RGS16: variants seen among roughly 807,000 people sequenced by gnomAD.
RGS16 encodes the protein regulator of G protein signaling 16, also known as hRGS-r.
In RGS16, 12 loss-of-function variants were observed where a neutral mutation model predicts 18.1. That is an observed-to-expected ratio of 0.66 (90% CI 0.42 to 1.07). RGS16 has a LOEUF of 1.07. Ranked by LOEUF, RGS16 falls within the 50% of genes least tolerant of loss-of-function variation. The pLI is 0.00. For missense variants in RGS16, 238 were observed against 249.2 expected (o/e 0.95, Z 0.30); for synonymous variants, 88 against 102.0 (o/e 0.86, Z 0.83).
Position 182,602,085 on chromosome 1 carries a change from CCT to C in RGS16, c.266_267del (p.Glu89GlyfsTer10). 6.2e-7 allele frequency: 1 copy of C among 1,614,142 alleles called. No individual in the cohort carries two copies. Among genetic ancestry groups the C allele is most frequent in the Non-Finnish European group, 8.5e-7 (1 of 1,180,034 alleles). On this transcript the variant is annotated frameshift_variant, in exon 4 of 5. Transcript: ENST00000367558. LOFTEE classifies it high-confidence loss of function. Reference sequence around the variant, plus strand: ...CAGGCCAGCCAGAACTCCAGGTTCTCCTCACTGAACTCTGTCTTCAGGAAAGC... The same window carrying C: ...CAGGCCAGCCAGAACTCCAGGTTCTCCACTGAACTCTGTCTTCAGGAAAGC... Reference protein sequence around the residue: ...FHAFLKTEFSEENLEFWLACE... With the variant: ...FHAFLKTEFSXENLEFWLACE...
intron 4 of RGS16, among the ~76,000 whole-genome samples, chr1:182,600,817 A>C (rs1223082553): frequency 1.3e-5 from 2 of 152,212 alleles, no homozygotes; most frequent in Non-Finnish European, 2.9e-5. Flanking sequence ...TGGGATTTGC[A>C]CCAAGGCCTC....
In RGS16 at chr1:182,602,134, T is replaced by G. The variant is rs372782065; in HGVS notation, c.221-2A>C. The G allele has an allele frequency of 1.9e-6, 3 of 1,613,928 alleles. No individual in the cohort carries two copies. The African/African-American group carries it at 4.0e-5, about 22-fold the overall frequency. ...AAGCGTGGAAGGCAGCCACTCCATC[T>G]GGGGTTGCGGGAAAGAAGAGGAAAT... On this transcript the variant is annotated splice_acceptor_variant, in intron 3 of 4. Transcript: ENST00000367558. LOFTEE classifies it high-confidence loss of function.
chr1:182,602,005 C>G lies in RGS16; in HGVS notation c.348G>C (p.Gln116His). 1 of 1,614,192 alleles carries G rather than the reference C, an allele frequency of 6.2e-7. No individual in the cohort carries two copies. The highest frequency in any genetic ancestry group is 1.1e-5 in the South Asian group (1 of 91,090). The change falls in exon 4 of 5, where the codon CAG (glutamine) becomes CAC (histidine). Residue 116 changes from glutamine to histidine, a missense_variant. By Grantham distance (24) the Gln-to-His change is conservative. Coordinates refer to ENST00000367558, the MANE Select transcript of RGS16 (RefSeq NM_002928.4). Reference protein sequence around the residue: ...SATKLASRAHQIFEEFICSEA... With the variant: ...SATKLASRAHHIFEEFICSEA... ...CACTGCAAATGAACTCCTCAAAGATCTGGTGTGCCCTGGAGGCCAGCTTGG... is the reference window on the plus strand; with the variant it reads ...CACTGCAAATGAACTCCTCAAAGATGTGGTGTGCCCTGGAGGCCAGCTTGG...
chr1:182,603,075 C>G (rs1207906276), intron 2 of RGS16, among the ~76,000 whole-genome samples, 154 bp downstream of exon 2: 1 of 152,182 alleles, frequency 6.6e-6, no homozygotes, highest in East Asian at 1.9e-4. Context: ...GCCAAGTAGT[C>G]ATAACAGACC....
chr1:182,601,555 G>A (rs1015343899), intron 4 of RGS16, among the ~76,000 whole-genome samples: 4 of 152,198 alleles, frequency 2.6e-5, no homozygotes, highest in Admixed American at 6.5e-5. Context: ...TGCGTTTAGC[G>A]GCCAGGAGAG....
chr1:182,600,205 G>A lies in RGS16; in HGVS notation c.*87C>T. The A allele has an allele frequency of 5.4e-6, 3 of 552,598 alleles. No individual in the cohort carries two copies. Among genetic ancestry groups the A allele is most frequent in the African/African-American group, 2.4e-5 (1 of 42,532 alleles). The allele number at this position is 552,598 out of a possible 1,614,324, so 34.2% of individuals were successfully genotyped here. A position where few individuals can be genotyped will look rare whatever the true frequency, so the allele number is the denominator to read the frequency against. On this transcript the variant is annotated 3_prime_UTR_variant, in exon 5 of 5. Transcript: ENST00000367558. ...TTTGTCCTCTTGCACTTGCTTTGCA[G>A]AACCTGCCTCCCACACAGGGGCAGC... is the stretch of plus-strand genomic sequence containing the variant.
At position 182,600,156 on chromosome 1, in the gene RGS16, ATTTTTT is replaced by A. The variant is rs970909010; in HGVS notation, c.*130_*135del. ...CTTCCCAAACAGGCTGCTGGAGCGC[ATTTTTT>A]TTTTTTTTTTTTTTTTTTTTGTCCT... is the stretch of plus-strand genomic sequence containing the variant. On this transcript the variant is annotated 3_prime_UTR_variant, in exon 5 of 5. Transcript: ENST00000367558. 5.8e-4 allele frequency: 191 copies of A among 329,380 alleles called. No homozygotes were observed. Among genetic ancestry groups the A allele is most frequent in the East Asian group, 1.0e-3 (15 of 14,948 alleles). 20.4% of individuals were successfully genotyped at this position (329,380 alleles called of 1,614,324 possible).
chr1:182,604,025 G>A (rs1661910611), intron 1 of RGS16, among the ~76,000 whole-genome samples, 191 bp downstream of exon 1: 1 of 152,190 alleles, frequency 6.6e-6, no homozygotes, highest in East Asian at 1.9e-4. Flanking sequence ...CAAGCCGCGG[G>A]CCCTTGCTTC....
Position 182,599,565 on chromosome 1 carries a change from C to A in RGS16, c.*727G>T. 1 of 152,832 alleles carries A rather than the reference C, an allele frequency of 6.5e-6. No individual in the cohort carries two copies. 9.5% of individuals were successfully genotyped at this position (152,832 alleles called of 1,614,324 possible). ...GTCAGGGGCCACCTGCAGGGGGCCA[C>A]CCAGAGCACTGAGCTGGATTCAAGT... On this transcript the variant is annotated 3_prime_UTR_variant, in exon 5 of 5. Transcript: ENST00000367558.
rs1403303289 is a variant in RGS16 at position 182,601,930 on chromosome 1, G to T, written c.387+36C>A. Reference sequence around the variant, plus strand: ...TCTCAGAGGGGAAGGAGCAGGCAGGGTCGTGAGGATTCACTGGGCATATGG... The same window carrying T: ...TCTCAGAGGGGAAGGAGCAGGCAGGTTCGTGAGGATTCACTGGGCATATGG... On this transcript the variant is annotated intron_variant, in intron 4 of 4. Coordinates refer to ENST00000367558, the MANE Select transcript of RGS16 (RefSeq NM_002928.4). The T allele has an allele frequency of 2.5e-6, 4 of 1,612,084 alleles. No individual in the cohort carries two copies. The East Asian group carries it at 8.9e-5, about 36-fold the overall frequency.
At position 182,599,275 on chromosome 1, in the gene RGS16, T is replaced by A. The variant is rs1661819975; in HGVS notation, c.*1017A>T. On this transcript the variant is annotated 3_prime_UTR_variant, in exon 5 of 5. Transcript: ENST00000367558. ...TCCCCTTCTATCTCGGGGCATCTCT[T>A]TTTGCCTGTTCTCATACCACAAAAA... 6.6e-6 allele frequency: 1 copy of A among 152,254 alleles called. No individual in the cohort carries two copies. Among genetic ancestry groups the A allele is most frequent in the Non-Finnish European group, 1.5e-5 (1 of 68,110 alleles). 9.4% of individuals were successfully genotyped at this position (152,254 alleles called of 1,614,324 possible).
At position 182,602,060 on chromosome 1, in the gene RGS16, C is replaced by T. The variant is rs754541562; in HGVS notation, c.293G>A (p.Cys98Tyr). ...TGATCGGATCTTCTTGAACTCCTCA[C>T]AGGCCAGCCAGAACTCCAGGTTCTC... is the stretch of plus-strand genomic sequence containing the variant. Reference protein sequence around the residue: ...SEENLEFWLACEEFKKIRSAT... With the variant: ...SEENLEFWLAYEEFKKIRSAT... Residue 98 changes from cysteine to tyrosine, a missense_variant, in exon 4 of 5, where the codon TGT (cysteine) becomes TAT (tyrosine). Coordinates refer to ENST00000367558, the MANE Select transcript of RGS16 (RefSeq NM_002928.4). 46 of 1,614,068 alleles carry T rather than the reference C, an allele frequency of 2.8e-5. No homozygotes were observed. Among genetic ancestry groups the T allele is most frequent in the Non-Finnish European group, 3.7e-5 (44 of 1,180,044 alleles).
At position 182,599,995 on chromosome 1, in the gene RGS16, G is replaced by C. The variant is rs1302947828; in HGVS notation, c.*297C>G. ...CCTTCTCCGGTGAGAACGAGAGCCA[G>C]TGCTAACCCCCATACCACCTTTTTG... On this transcript the variant is annotated 3_prime_UTR_variant, in exon 5 of 5. Transcript: ENST00000367558. 2 of 460,980 alleles carry C rather than the reference G, an allele frequency of 4.3e-6. No homozygotes were observed. Among genetic ancestry groups the C allele is most frequent in the African/African-American group, 3.9e-5 (2 of 50,936 alleles). The allele number at this position is 460,980 out of a possible 1,614,324, so 28.6% of individuals were successfully genotyped here.
In RGS16 at chr1:182,600,520, G is replaced by A; in HGVS notation, c.388-7C>T. ...TCTCATGGTCAATGTTGACCTGCGG[G>A]AAGGAGGACACACACAGGGTGAGTT... is the stretch of plus-strand genomic sequence containing the variant. On this transcript the variant is annotated splice_polypyrimidine_tract_variant and splice_region_variant and intron_variant, in intron 4 of 4. Transcript: ENST00000367558. 1.2e-6 allele frequency: 2 copies of A among 1,612,420 alleles called. No homozygotes were observed. The highest frequency in any genetic ancestry group is 8.5e-7 in the Non-Finnish European group (1 of 1,178,540).
In RGS16 at chr1:182,604,089, C is replaced by A. The variant is rs556283511; in HGVS notation, c.44+127G>T. ...GAATCTGAGCACGTGGCATCAAGTG[C>A]GCTTCTACCTCTCTACTCAAGCCTC... On this transcript the variant is annotated intron_variant, in intron 1 of 4. Coordinates refer to ENST00000367558, the MANE Select transcript of RGS16 (RefSeq NM_002928.4). 9.2e-5 allele frequency: 80 copies of A among 869,164 alleles called. 1 individual carries two copies. The African/African-American group carries it at 1.3e-3, about 14-fold the overall frequency. 53.8% of individuals were successfully genotyped at this position (869,164 alleles called of 1,614,324 possible).
chr1:182,601,860 C>A lies in RGS16; in HGVS notation c.387+106G>T, dbSNP rs530448265. On this transcript the variant is annotated intron_variant, in intron 4 of 4. Coordinates refer to ENST00000367558, the MANE Select transcript of RGS16 (RefSeq NM_002928.4). ...CCAGTCACCCCTGTGCCAAGTAAGGCCCTTCTACCTCTACACCTAGCCCTT... is the reference window on the plus strand; with the variant it reads ...CCAGTCACCCCTGTGCCAAGTAAGGACCTTCTACCTCTACACCTAGCCCTT... The A allele has an allele frequency of 4.3e-6, 6 of 1,392,798 alleles. No individual in the cohort carries two copies. In the East Asian group the frequency reaches 1.4e-4, roughly 32 times the overall value. The allele number at this position is 1,392,798 out of a possible 1,614,324, so 86.3% of individuals were successfully genotyped here. A position where few individuals can be genotyped will look rare whatever the true frequency, so the allele number is the denominator to read the frequency against.
Position 182,604,381 on chromosome 1 carries a change from C to G in RGS16, c.-122G>C. On this transcript the variant is annotated 5_prime_UTR_variant, in exon 1 of 5. Transcript: ENST00000367558. ...AGTCAACTGCGGTTGGGTTTAGCAG[C>G]CTGCAAGCGCCCAGACTGAGCGGCC... 1 of 910,456 alleles carries G rather than the reference C, an allele frequency of 1.1e-6. No homozygotes were observed. Among genetic ancestry groups the G allele is most frequent in the Non-Finnish European group, 1.6e-6 (1 of 619,180 alleles). 56.4% of individuals were successfully genotyped at this position (910,456 alleles called of 1,614,324 possible). A position where few individuals can be genotyped will look rare whatever the true frequency, so the allele number is the denominator to read the frequency against.
chr1:182,599,926 G>A lies in RGS16; in HGVS notation c.*366C>T. On this transcript the variant is annotated 3_prime_UTR_variant, in exon 5 of 5. Coordinates refer to ENST00000367558, the MANE Select transcript of RGS16 (RefSeq NM_002928.4). ...ATGTCTTTCCTCCTCTCATTTTCAT[G>A]GTTCCCTTTATCCACATGTTTCCTA... The A allele has an allele frequency of 4.4e-6, 1 of 227,822 alleles. No homozygotes were observed. 14.1% of individuals were successfully genotyped at this position (227,822 alleles called of 1,614,324 possible).
At chr1:182,602,386 C>T (rs201245625) in intron 3 of RGS16, 34 bp downstream of exon 3, 514 of 1,588,990 alleles carry the variant, frequency 3.2e-4, no homozygotes, top group Non-Finnish European at 4.2e-4. Flanking sequence ...ACACATGTGC[C>T]ACCCAGAGAC....
Sources: gnomAD v4.1 joint callset for allele counts (sites outside exome capture counted in the v4.1 genomes callset) on GRCh38, gnomAD v4.1.1 for gene constraint, MANE v1.5 for transcripts, NCBI Gene and HGNC (gene_info 2026-07-23, HGNC 2026-07-21) for gene names.